The following ATF7IP2 variants were observed in gnomAD, a reference collection of about 807,000 sequenced individuals.
ATF7IP2 encodes activating transcription factor 7 interacting protein 2.
ATF7IP2 carries 42 observed loss-of-function variants against 64.2 expected under a neutral mutation model. That is an observed-to-expected ratio of 0.65 (90% confidence interval 0.51 to 0.85). The LOEUF (loss-of-function observed/expected upper bound fraction) is 0.85, where lower values mean the gene tolerates loss of function less well. Ranked by LOEUF, ATF7IP2 falls within the 40% of genes least tolerant of loss-of-function variation. The probability of loss-of-function intolerance (pLI) is 0.00; values close to 1 mark genes in which losing one functional copy is unlikely to be tolerated. For missense variants in ATF7IP2, 933 were observed against 784.2 expected (o/e 1.19, Z -2.27); for synonymous variants, 308 against 272.8 (o/e 1.13, Z -1.27).
At chr16:10,481,589 T>G (rs1309418689) in intron 13 of ATF7IP2, among the ~76,000 whole-genome samples, 1 of 152,154 alleles carries the variant, frequency 6.6e-6, no homozygotes, top group Non-Finnish European at 1.5e-5. Context: ...GAGCGCAATT[T>G]GGAAATGAGA....
At chr16:10,457,955 G>T in intron 9 of ATF7IP2, among the ~76,000 whole-genome samples, 1 of 152,196 alleles carries the variant, frequency 6.6e-6, no homozygotes. Context: ...CAGGCAATCT[G>T]TCTGCCTCGG....
chr16:10,445,673 T>A (rs1269379673), intron 8 of ATF7IP2: 2 of 152,130 alleles, frequency 1.3e-5, no homozygotes, highest in African/African-American at 4.8e-5. Context: ...ACTGTCTAAT[T>A]TTTTTGTATT....
At chr16:10,451,877 C>A (rs564016288) in intron 8 of ATF7IP2, among the ~76,000 whole-genome samples, 2 of 151,898 alleles carry the variant, frequency 1.3e-5, no homozygotes, top group Non-Finnish European at 2.9e-5. Flanking sequence ...CATAGTGAAA[C>A]CCCATCTCTA....
intron 8 of ATF7IP2, among the ~76,000 whole-genome samples, chr16:10,455,128 G>T (rs999216496): frequency 6.6e-6 from 1 of 152,168 alleles, no homozygotes; most frequent in African/African-American, 2.4e-5. Flanking sequence ...GTCCCTGCAA[G>T]ATGTCCATGA....
chr16:10,407,940 T>A (rs1275826672), intron 1 of ATF7IP2, among the ~76,000 whole-genome samples: 4 of 151,200 alleles, frequency 2.6e-5, no homozygotes, highest in Non-Finnish European at 4.4e-5. Flanking sequence ...TTAGACGGAG[T>A]CTCGCTCTCT....
intron 8 of ATF7IP2, chr16:10,448,386 G>C (rs2048879811): frequency 6.6e-6 from 1 of 152,150 alleles, no homozygotes; most frequent in Admixed American, 6.5e-5. Context: ...TCACAGTATT[G>C]ATTCTTCCTA....
intron 8 of ATF7IP2, chr16:10,445,472 A>G (rs936026390): frequency 1.3e-5 from 2 of 152,070 alleles, no homozygotes; most frequent in African/African-American, 2.4e-5. Context: ...GGACATGGAC[A>G]ATAGCTATTT....
At chr16:10,420,955 A>G (rs982200280) in intron 3 of ATF7IP2, among the ~76,000 whole-genome samples, 1 of 152,198 alleles carries the variant, frequency 6.6e-6, no homozygotes, top group African/African-American at 2.4e-5. Flanking sequence ...AAATTTAGTT[A>G]TTTTAGGGAG....
intron 8 of ATF7IP2, chr16:10,447,554 A>T (rs2048850074): frequency 6.6e-6 from 1 of 152,202 alleles, no homozygotes; most frequent in African/African-American, 2.4e-5. Flanking sequence ...ACAAGAGCAC[A>T]CCGAACAAAG....
Position 10,438,175 on chromosome 16 carries a change from C to A in ATF7IP2, c.1035C>A (p.Asn345Lys). ...ELFDKKLKEL[N>K]QRIGKTECRN... ...TTGATAAGAAACTGAAAGAATTGAA[C>A]CAACGCATTGGGAAGACAGAGTGCA... Residue 345 changes from asparagine to lysine, a missense_variant, in exon 7 of 14, where the codon AAC (asparagine) becomes AAA (lysine). Coordinates refer to ENST00000562102, the MANE Select transcript of ATF7IP2 (RefSeq NM_001393719.1). The A allele has an allele frequency of 6.2e-7, 1 of 1,605,118 alleles. No individual in the cohort carries two copies. The highest frequency in any genetic ancestry group is 2.3e-5 in the East Asian group (1 of 44,008).
At position 10,389,758 on chromosome 16, in the gene ATF7IP2, C is replaced by G. The variant is rs189593505; in HGVS notation, c.-242+3636C>G. Among the ~76,000 whole-genome samples the G allele has an allele frequency of 1.7e-4, 26 of 152,324 alleles. No homozygotes were observed. The East Asian group carries it at 3.7e-3, about 21-fold the overall frequency. ...TCATAATGAGCATTTTATACTATTA[C>G]ATTGATAAAACTTGAAAAAAGTAAT... On this transcript the variant is annotated intron_variant, in intron 1 of 13. Transcript: ENST00000562102.
intron 1 of ATF7IP2, among the ~76,000 whole-genome samples, chr16:10,408,342 C>G: frequency 6.6e-6 from 1 of 152,158 alleles, no homozygotes; most frequent in East Asian, 1.9e-4. Context: ...TACTTTTCCT[C>G]TAGGTGGATA....
chr16:10,406,043 C>T (rs550332010), intron 1 of ATF7IP2, among the ~76,000 whole-genome samples: 5 of 151,652 alleles, frequency 3.3e-5, no homozygotes, highest in East Asian at 1.9e-4. Context: ...GAGCTGAGAT[C>T]GTGCCACTGC....
chr16:10,459,104 C>T (rs1215227629), intron 9 of ATF7IP2, among the ~76,000 whole-genome samples: 2 of 151,886 alleles, frequency 1.3e-5, no homozygotes, highest in Non-Finnish European at 2.9e-5. Flanking sequence ...GAGGCCGAGG[C>T]GGGCAGATCA....
chr16:10,403,876 A>G (rs1279739275), intron 1 of ATF7IP2, among the ~76,000 whole-genome samples: 4 of 152,240 alleles, frequency 2.6e-5, no homozygotes, highest in African/African-American at 7.2e-5. Context: ...AATCTTTTAA[A>G]TTAACCTAGT....
At chr16:10,427,586 A>G (rs62025935) in intron 3 of ATF7IP2, among the ~76,000 whole-genome samples, 13,632 of 152,304 alleles carry the variant, frequency 0.09, 674 homozygotes, top group African/African-American at 0.12. Context: ...AACATCAACA[A>G]GAACTGGAAA....
At chr16:10,416,453 A>G (rs2047880171) in intron 2 of ATF7IP2, among the ~76,000 whole-genome samples, 1 of 152,128 alleles carries the variant, frequency 6.6e-6, no homozygotes, top group Non-Finnish European at 1.5e-5. Flanking sequence ...TGGGAAAGGT[A>G]TTTTGTGTTG....
At chr16:10,426,712 AAG>A (rs1302329201) in intron 3 of ATF7IP2, among the ~76,000 whole-genome samples, 1 of 152,200 alleles carries the variant, frequency 6.6e-6, no homozygotes, top group Non-Finnish European at 1.5e-5. Context: ...TGTCACAAGG[AAG>A]AGAGATCAAA....
chr16:10,472,685 A>G (rs759745588), intron 10 of ATF7IP2, among the ~76,000 whole-genome samples: 8 of 151,986 alleles, frequency 5.3e-5, no homozygotes, highest in Non-Finnish European at 1.2e-4. Flanking sequence ...ATGAAACCCC[A>G]TCTGTATTAA....
Sources: gnomAD v4.1 joint callset for allele counts (sites outside exome capture counted in the v4.1 genomes callset) on GRCh38, gnomAD v4.1.1 for gene constraint, MANE v1.5 for transcripts, NCBI Gene and HGNC (gene_info 2026-07-23, HGNC 2026-07-21) for gene names.